PCDHAC2: variants seen among roughly 807,000 people sequenced by gnomAD.
PCDHAC2 encodes protocadherin alpha subfamily C, 2.
PCDHAC2 carries 24 observed loss-of-function variants against 63.3 expected under a neutral mutation model. The observed-to-expected ratio is 0.38, with a 90% CI of 0.27 to 0.53. The LOEUF is 0.53. Among genes scored for constraint, PCDHAC2 ranks in the 20% least tolerant of loss-of-function variants. The pLI is 0.81. For missense variants in PCDHAC2, 1,181 were observed against 1,275.2 expected, an observed-to-expected ratio of 0.93 and a Z score of 1.12; for synonymous variants, 569 against 529.4, an observed-to-expected ratio of 1.07 and a Z score of -1.03.
At chr5:140,982,022 G>T (rs2096962811) in intron 2 of PCDHAC2, among the ~76,000 whole-genome samples, 1 of 152,168 alleles carries the variant, frequency 6.6e-6, no homozygotes, top group African/African-American at 2.4e-5. Context: ...AGCCAAATTG[G>T]AACAATACTC....
At chr5:141,009,279 A>T (rs2098404369) in intron 3 of PCDHAC2, among the ~76,000 whole-genome samples, 1 of 152,124 alleles carries the variant, frequency 6.6e-6, no homozygotes, top group Non-Finnish European at 1.5e-5. Flanking sequence ...ACATAGTGAG[A>T]TCCCATTTCT....
rs1259591783 is a variant in PCDHAC2, at chr5:141,009,842, G to C, written c.2929G>C (p.Glu977Gln). 1.2e-6 allele frequency: 2 copies of C among 1,613,960 alleles called. No individual in the cohort carries two copies. The highest frequency in any genetic ancestry group is 1.7e-6 in the Non-Finnish European group (2 of 1,180,014). ...TGACTTCATAACCTTCGGCAAAAAG[G>C]AGGAGACCAAGAAAAAGAAGAAAAA... ...KSDFITFGKKEETKKKKKKKK... is the reference protein window; with the variant it reads ...KSDFITFGKKQETKKKKKKKK... The change falls in exon 4 of 4, where the codon GAG becomes CAG. Residue 977 changes from glutamate (E) to glutamine (Q), a missense_variant. Coordinates refer to ENST00000289269, the MANE Select transcript of PCDHAC2 (RefSeq NM_018899.6).
rs565441433 is a variant in PCDHAC2, at chr5:141,011,340, A to G, written c.*1403A>G. 6.5e-6 allele frequency: 1 copy of G among 153,828 alleles called. No homozygotes were observed. Among genetic ancestry groups the G allele is most frequent in the African/African-American group, 2.4e-5 (1 of 41,570 alleles). 9.5% of individuals were successfully genotyped at this position (153,828 alleles called of 1,614,324 possible). On this transcript the variant is annotated 3_prime_UTR_variant, in exon 4 of 4. Transcript: ENST00000289269. Reference sequence around the variant, plus strand: ...ACTAACACCTATGATGTTACCTGAAATCAATCTCCCATATGTATGCTGTAT... The same window carrying G: ...ACTAACACCTATGATGTTACCTGAAGTCAATCTCCCATATGTATGCTGTAT...
chr5:140,977,335 A>T (rs1341928835), intron 1 of PCDHAC2, among the ~76,000 whole-genome samples: 19 of 152,322 alleles, frequency 1.2e-4, no homozygotes, highest in Admixed American at 1.1e-3. Context: ...GAGGGGAGAG[A>T]CGGTGATGAT....
chr5:140,998,755 A>G (rs940678929), intron 3 of PCDHAC2, among the ~76,000 whole-genome samples: 2 of 152,062 alleles, frequency 1.3e-5, no homozygotes, highest in African/African-American at 4.8e-5. Flanking sequence ...GAAGAGACAC[A>G]GTTTCACTAT....
chr5:140,982,461 G>C lies in PCDHAC2; in HGVS notation c.2625-14G>C, dbSNP rs765899879. Reference sequence around the variant, plus strand: ...TATGATCTAACCGTTATCTGGGTCTGTGTGTTTATTCAGCTCTGTGCACCT... The same window carrying C: ...TATGATCTAACCGTTATCTGGGTCTCTGTGTTTATTCAGCTCTGTGCACCT... On this transcript the variant is annotated splice_polypyrimidine_tract_variant and intron_variant, in intron 2 of 3. Coordinates refer to ENST00000289269, the MANE Select transcript of PCDHAC2 (RefSeq NM_018899.6). 4.3e-6 allele frequency: 7 copies of C among 1,613,970 alleles called. No homozygotes were observed. The Admixed American group carries it at 6.7e-5, about 15-fold the overall frequency.
At position 140,967,784 on chromosome 5, in the gene PCDHAC2, C is replaced by G; in HGVS notation, c.1018C>G (p.Arg340Gly). The change falls in exon 1 of 4, where the codon CGG becomes GGG. Residue 340 changes from arginine (R) to glycine (G), a missense_variant. Coordinates refer to ENST00000289269, the MANE Select transcript of PCDHAC2 (RefSeq NM_018899.6). ...CCAGATCTATGTGCAGGCGACTGAC[C>G]GGGGTCCAGTGCCCATGGCAGGTCA... ...SYQIYVQATD[R>G]GPVPMAGHCK... The G allele has an allele frequency of 6.2e-7, 1 of 1,614,174 alleles. No individual in the cohort carries two copies. The highest frequency in any genetic ancestry group is 8.5e-7 in the Non-Finnish European group (1 of 1,180,040).
At position 140,967,942 on chromosome 5, in the gene PCDHAC2, A is replaced by G; in HGVS notation, c.1176A>G (p.Gln392=). 1 of 1,614,226 alleles carries G rather than the reference A, an allele frequency of 6.2e-7. No individual in the cohort carries two copies. Among genetic ancestry groups the G allele is most frequent in the Non-Finnish European group, 8.5e-7 (1 of 1,180,034 alleles). ...TIVAVLSVND[Q]DSGPNRKVSL... is the part of the protein sequence containing the mutation. ...TGGCCGTTCTCAGTGTCAATGACCA[A>G]GACTCAGGCCCCAACCGGAAAGTGA... is the stretch of plus-strand genomic sequence containing the variant. The change falls in exon 1 of 4, where the codon CAA becomes CAG. Residue 392 remains glutamine (Q), a synonymous_variant. Transcript: ENST00000289269.
At chr5:141,000,377 C>G (rs1213637729) in intron 3 of PCDHAC2, among the ~76,000 whole-genome samples, 1 of 58,954 alleles carries the variant, frequency 1.7e-5, no homozygotes, top group South Asian at 5.5e-4. Flanking sequence ...CTCTCTCTCT[C>G]TCTCTCTCTC....
chr5:140,970,625 A>C (rs534910839), intron 1 of PCDHAC2, among the ~76,000 whole-genome samples: 1 of 152,316 alleles, frequency 6.6e-6, no homozygotes, highest in Non-Finnish European at 1.5e-5. Context: ...CAAAAGCCAA[A>C]ATTTTGTACC....
chr5:141,010,949 C>T lies in PCDHAC2; in HGVS notation c.*1012C>T, dbSNP rs1554263219. The T allele has an allele frequency of 6.5e-6, 1 of 153,762 alleles. No individual in the cohort carries two copies. Among genetic ancestry groups the T allele is most frequent in the African/African-American group, 2.4e-5 (1 of 41,442 alleles). 9.5% of individuals were successfully genotyped at this position (153,762 alleles called of 1,614,324 possible). On this transcript the variant is annotated 3_prime_UTR_variant, in exon 4 of 4. Transcript: ENST00000289269. ...TTCAGTCTACAGCCATTTAAATGAT[C>T]ATTGCTGCTACAGAAGTGCTTTAAG...
In PCDHAC2 at chr5:140,968,517, C is replaced by T; in HGVS notation, c.1751C>T (p.Ser584Leu). 6.2e-7 allele frequency: 1 copy of T among 1,614,206 alleles called. No homozygotes were observed. The highest frequency in any genetic ancestry group is 8.5e-7 in the Non-Finnish European group (1 of 1,180,026). The change falls in exon 1 of 4, where the codon TCA becomes TTA. Residue 584 changes from serine to leucine, a missense_variant. Physicochemically the swap from Ser to Leu is moderately radical, Grantham distance 145. Transcript: ENST00000289269. ...DHAPHILYPTSTNSSAAFEMV... is the reference protein window; with the variant it reads ...DHAPHILYPTLTNSSAAFEMV... ...GCCCCTCACATTCTGTACCCTACCT[C>T]AACCAACTCGTCAGCAGCCTTCGAG...
intron 3 of PCDHAC2, among the ~76,000 whole-genome samples, chr5:140,986,469 T>G (rs2097202307): frequency 6.6e-6 from 1 of 152,214 alleles, no homozygotes; most frequent in Non-Finnish European, 1.5e-5. Context: ...TGCCCTCTTG[T>G]GATCAGTTCC....
chr5:140,977,232 A>G (rs2096751038), intron 1 of PCDHAC2, among the ~76,000 whole-genome samples: 1 of 152,368 alleles, frequency 6.6e-6, no homozygotes, highest in East Asian at 1.9e-4. Flanking sequence ...ACCCAATCAT[A>G]GAAAAATTGG....
rs1285058359 is a variant in PCDHAC2 at position 140,966,517 on chromosome 5, A to T, written c.-250A>T. ...GAGCTGTAGCGGCAGCAGCAGCAGGAAGCCGAGCCGGGTTGAGCGACTCGG... is the reference window on the plus strand; with the variant it reads ...GAGCTGTAGCGGCAGCAGCAGCAGGTAGCCGAGCCGGGTTGAGCGACTCGG... On this transcript the variant is annotated 5_prime_UTR_variant, in exon 1 of 4. Coordinates refer to ENST00000289269, the MANE Select transcript of PCDHAC2 (RefSeq NM_018899.6). 4.6e-6 allele frequency: 2 copies of T among 435,352 alleles called. No individual in the cohort carries two copies. Among genetic ancestry groups the T allele is most frequent in the Non-Finnish European group, 8.0e-6 (2 of 251,264 alleles). 27.0% of individuals were successfully genotyped at this position (435,352 alleles called of 1,614,324 possible).
At chr5:140,975,917 A>C (rs1287006605) in intron 1 of PCDHAC2, among the ~76,000 whole-genome samples, 1 of 152,220 alleles carries the variant, frequency 6.6e-6, no homozygotes, top group Non-Finnish European at 1.5e-5. Context: ...TATTCTACCA[A>C]AAGACTAACC....
At chr5:140,991,167 G>T (rs186627829) in intron 3 of PCDHAC2, among the ~76,000 whole-genome samples, 2 of 152,270 alleles carry the variant, frequency 1.3e-5, no homozygotes, top group Non-Finnish European at 2.9e-5. Flanking sequence ...TATTCCCATT[G>T]TCAAGCAGGA....
intron 3 of PCDHAC2, among the ~76,000 whole-genome samples, chr5:141,008,262 G>T (rs1178355094): frequency 6.6e-6 from 1 of 152,198 alleles, no homozygotes; most frequent in Non-Finnish European, 1.5e-5. Flanking sequence ...AGGAGACTGA[G>T]AAGTAATAGG....
Position 141,010,230 on chromosome 5 carries a change from C to T in PCDHAC2, c.*293C>T. The T allele has an allele frequency of 1.3e-6, 2 of 1,551,936 alleles. No homozygotes were observed. Among genetic ancestry groups the T allele is most frequent in the African/African-American group, 1.4e-5 (1 of 73,162 alleles). Reference sequence around the variant, plus strand: ...GCAAAGGAGAGGCTTCCCAGCCCCGCCAGTGAGAGGTTGGACTCTCTGCCC... The same window carrying T: ...GCAAAGGAGAGGCTTCCCAGCCCCGTCAGTGAGAGGTTGGACTCTCTGCCC... On this transcript the variant is annotated 3_prime_UTR_variant, in exon 4 of 4. Transcript: ENST00000289269.
Sources: allele counts gnomAD v4.1 joint callset (sites outside exome capture counted in the v4.1 genomes callset), GRCh38; gene constraint gnomAD v4.1.1; transcripts MANE v1.5; gene names NCBI Gene and HGNC (gene_info 2026-07-23, HGNC 2026-07-21).